GARIN1A: variants seen among roughly 807,000 people sequenced by gnomAD.
The protein encoded by GARIN1A is golgi associated RAB2 interactor 1A.
the GARIN1A span, chr7:128,677,740 C>T: frequency 6.2e-7 from 1 of 1,613,868 alleles, no homozygotes; most frequent in South Asian, 1.1e-5. Context: ...CTGTCCATCA[C>T]CACCAAAGAC....
At chr7:128,701,707 G>A in the GARIN1A span, among the ~76,000 whole-genome samples, 41,244 of 151,818 alleles carry the variant, frequency 0.27, 5,955 homozygotes, top group East Asian at 0.54. Flanking sequence ...TAGAGGCTAG[G>A]AGGGGGTTGT....
the GARIN1A span, chr7:128,685,634 T>C: frequency 6.6e-5 from 10 of 152,254 alleles, no homozygotes; most frequent in Non-Finnish European, 1.5e-4. Context: ...TTTCAGTATG[T>C]TACAATCAAA....
At chr7:128,685,542 T>A in the GARIN1A span, 1 of 152,176 alleles carries the variant, frequency 6.6e-6, no homozygotes. Context: ...CTGAATTGAG[T>A]CAGAAAAGAC....
At chr7:128,688,750 A>G in the GARIN1A span, among the ~76,000 whole-genome samples, 2 of 113,800 alleles carry the variant, frequency 1.8e-5, no homozygotes, top group East Asian at 5.8e-4. Flanking sequence ...GCTTTTAATA[A>G]TAACGGTCCC....
the GARIN1A span, among the ~76,000 whole-genome samples, chr7:128,679,080 CAA>C: frequency 6.8e-6 from 1 of 146,572 alleles, no homozygotes; most frequent in African/African-American, 2.6e-5. Flanking sequence ...ATATATAACA[CAA>C]GATTGTTTTT....
the GARIN1A span, among the ~76,000 whole-genome samples, chr7:128,692,664 A>T: frequency 1.3e-5 from 2 of 152,238 alleles, no homozygotes; most frequent in East Asian, 1.9e-4. Flanking sequence ...CCCTCTTAAA[A>T]GATGTGGTGG....
the GARIN1A span, among the ~76,000 whole-genome samples, chr7:128,702,605 C>T: frequency 5.3e-5 from 8 of 151,890 alleles, no homozygotes; most frequent in Non-Finnish European, 1.0e-4. Context: ...CAATAACCCC[C>T]CCAAAAGGCA....
chr7:128,681,874 A>C, the GARIN1A span, among the ~76,000 whole-genome samples: 1 of 137,570 alleles, frequency 7.3e-6, no homozygotes, highest in Non-Finnish European at 1.6e-5. Context: ...TCATCTGGCC[A>C]CACTGCACCC....
At chr7:128,675,952 C>T in the GARIN1A span, 10 of 856,650 alleles carry the variant, frequency 1.2e-5, no homozygotes, top group African/African-American at 8.3e-5. Flanking sequence ...GAAAAGATAG[C>T]GTTCTTTAGT....
the GARIN1A span, among the ~76,000 whole-genome samples, chr7:128,699,584 A>G: frequency 6.6e-6 from 1 of 152,226 alleles, no homozygotes; most frequent in Non-Finnish European, 1.5e-5. Flanking sequence ...GAATATTGCT[A>G]TATGCAATTC....
At chr7:128,705,655 GTTTTTTTTTTTTT>G in the GARIN1A span, among the ~76,000 whole-genome samples, 4 of 61,498 alleles carry the variant, frequency 6.5e-5, no homozygotes, top group African/African-American at 2.1e-4. Flanking sequence ...TTTTTTTGGT[GTTTTTTTTTTTTT>G]TTTTTTTTTT....
the GARIN1A span, among the ~76,000 whole-genome samples, chr7:128,689,090 T>C: frequency 6.6e-6 from 1 of 151,654 alleles, no homozygotes; most frequent in Non-Finnish European, 1.5e-5. Context: ...GATGGAGTCT[T>C]GTTCACTCAG....
chr7:128,699,260 GC>G, the GARIN1A span, among the ~76,000 whole-genome samples: 13,810 of 104,866 alleles, frequency 0.13, 1,508 homozygotes, highest in East Asian at 0.26. Context: ...CATACCTGCT[GC>G]CCCCCCCCCC....
chr7:128,701,548 T>C, the GARIN1A span, among the ~76,000 whole-genome samples: 1 of 151,940 alleles, frequency 6.6e-6, no homozygotes, highest in Non-Finnish European at 1.5e-5. Context: ...GATCGCACAG[T>C]CTAAGCTAAT....
chr7:128,676,998 T>G, the GARIN1A span, among the ~76,000 whole-genome samples: 332 of 151,370 alleles, frequency 2.2e-3, no homozygotes, highest in Admixed American at 6.7e-3. Context: ...CATAGGGAGA[T>G]CCTGTTACTA....
At chr7:128,675,162 G>C in the GARIN1A span, among the ~76,000 whole-genome samples, 1 of 152,140 alleles carries the variant, frequency 6.6e-6, no homozygotes, top group African/African-American at 2.4e-5. Flanking sequence ...TGCTTCAAGA[G>C]AATAGGTCCT....
At chr7:128,679,773 C>T in the GARIN1A span, among the ~76,000 whole-genome samples, 2 of 152,296 alleles carry the variant, frequency 1.3e-5, no homozygotes, top group Non-Finnish European at 2.9e-5. Flanking sequence ...TACAGCCTGA[C>T]AGCCCTGCCT....
the GARIN1A span, chr7:128,672,360 C>T: frequency 4.6e-5 from 73 of 1,573,478 alleles, no homozygotes; most frequent in Non-Finnish European, 5.9e-5. Context: ...GGCGTGGAGC[C>T]CCAGAAATGT....
At chr7:128,691,960 G>A in the GARIN1A span, among the ~76,000 whole-genome samples, 36 of 152,308 alleles carry the variant, frequency 2.4e-4, no homozygotes, top group African/African-American at 8.2e-4. Flanking sequence ...CCATGCAGGC[G>A]TTGTCGCAGT....
Sources: allele counts gnomAD v4.1 joint callset (sites outside exome capture counted in the v4.1 genomes callset), GRCh38; gene constraint gnomAD v4.1.1; transcripts MANE v1.5; gene names NCBI Gene and HGNC (gene_info 2026-07-23, HGNC 2026-07-21).